The following STAB2 variants were observed in gnomAD, a reference collection of about 807,000 sequenced individuals.
STAB2 encodes stabilin 2.
A neutral mutation model predicts 338.1 loss-of-function variants in STAB2; 288 were observed. The ratio of observed to expected loss-of-function variants is 0.85; its 90% CI spans 0.77 to 0.94. STAB2 has a LOEUF of 0.94. STAB2 is among the 40% of genes least tolerant of loss of function. STAB2 has a pLI of 0.00. For missense variants in STAB2, 3,141 were observed against 3,210.1 expected (o/e 0.98, Z 0.52); for synonymous variants, 1,202 against 1,193.3 (o/e 1.01, Z -0.15).
chr12:103,695,317 A>G (rs960186922), intron 31 of STAB2, among the ~76,000 whole-genome samples: 1 of 152,236 alleles, frequency 6.6e-6, no homozygotes, highest in African/African-American at 2.4e-5. Context: ...TCTCTAATCA[A>G]GGAGGTTTAA....
chr12:103,598,743 T>C (rs1255201693), intron 3 of STAB2, among the ~76,000 whole-genome samples: 14 of 152,202 alleles, frequency 9.2e-5, no homozygotes, highest in African/African-American at 2.4e-5. Context: ...CCCACATTCC[T>C]GCTACCTTTT....
chr12:103,710,372 G>A (rs997056705), intron 39 of STAB2, among the ~76,000 whole-genome samples: 3 of 152,176 alleles, frequency 2.0e-5, no homozygotes, highest in African/African-American at 7.2e-5. Context: ...AGGAAAAATT[G>A]TGGTATGGAG....
Position 103,735,540 on chromosome 12 carries a change from G to A in STAB2, c.5510G>A (p.Gly1837Asp). The stretch of plus-strand genomic sequence containing the variant: ...TCCACTGCCTGGAAGACCCTGCAAG[G>A]TTCAGAGCTGAGTGTGAAATGTGGA... ...PTSTAWKTLQ[G>D]SELSVKCGAG... The change falls in exon 52 of 69, where the codon GGT becomes GAT. Residue 1837 changes from glycine to aspartate, a missense_variant. By Grantham distance (94) the Gly-to-Asp change is moderately conservative. Coordinates refer to ENST00000388887, the MANE Select transcript of STAB2 (RefSeq NM_017564.10). The A allele has an allele frequency of 2.9e-6, 4 of 1,394,860 alleles. No individual in the cohort carries two copies. Among genetic ancestry groups the A allele is most frequent in the African/African-American group, 1.5e-5 (1 of 67,600 alleles). 86.4% of individuals were successfully genotyped at this position (1,394,860 alleles called of 1,614,324 possible).
chr12:103,607,722 T>A (rs1440859568), intron 3 of STAB2, among the ~76,000 whole-genome samples: 3 of 152,218 alleles, frequency 2.0e-5, no homozygotes, highest in Non-Finnish European at 4.4e-5. Flanking sequence ...GAACTCATCC[T>A]TTTTTATCGC....
intron 63 of STAB2, among the ~76,000 whole-genome samples, chr12:103,756,647 C>T (rs1257391219): frequency 1.3e-5 from 2 of 152,144 alleles, no homozygotes; most frequent in Admixed American, 1.3e-4. Context: ...CTCATGCTTT[C>T]GAGTACGGAA....
In STAB2 at chr12:103,737,761, T is replaced by G; in HGVS notation, c.5678T>G (p.Phe1893Cys). 6.2e-7 allele frequency: 1 copy of G among 1,614,040 alleles called. No homozygotes were observed. Among genetic ancestry groups the G allele is most frequent in the Non-Finnish European group, 8.5e-7 (1 of 1,180,000 alleles). ...DPTLGGRCDT[F>C]TTFDASGECG... is the part of the protein sequence containing the mutation. ...ACCCTGGGGGGCCGCTGTGACACCT[T>G]TACTACTTTCGATGCCTCGGTCAGT... The change falls in exon 53 of 69, where the codon TTT becomes TGT. Residue 1893 changes from phenylalanine (F) to cysteine (C), a missense_variant. Transcript: ENST00000388887.
chr12:103,701,946 G>A (rs1294621378), intron 34 of STAB2, among the ~76,000 whole-genome samples: 3 of 150,090 alleles, frequency 2.0e-5, no homozygotes, highest in African/African-American at 7.4e-5. Context: ...ATCCTAACTT[G>A]AGTTTTCCCC....
At chr12:103,622,692 A>G (rs1957321083) in intron 5 of STAB2, among the ~76,000 whole-genome samples, 1 of 152,256 alleles carries the variant, frequency 6.6e-6, no homozygotes, top group African/African-American at 2.4e-5. Flanking sequence ...AAATGCAGTC[A>G]TTGAAAACAG....
Position 103,622,054 on chromosome 12 carries a change from G to C in STAB2, c.430G>C (p.Gly144Arg), listed in dbSNP as rs141175670. ...GGGTGTTTTGCAGGAAGGGTTTGGT[G>C]GAACAGCCTGTGAAACCTGTGCTGA... ...GTCSCQEGFG[G>R]TACETCADDN... Residue 144 changes from glycine (G) to arginine (R), a missense_variant, in exon 5 of 69, where the codon GGA becomes CGA. By Grantham distance (125) the Gly-to-Arg change is moderately radical. Coordinates refer to ENST00000388887, the MANE Select transcript of STAB2 (RefSeq NM_017564.10). 5.6e-6 allele frequency: 9 copies of C among 1,614,072 alleles called. No individual in the cohort carries two copies. In the Admixed American group the frequency reaches 1.3e-4, roughly 24 times the overall value.
At chr12:103,620,618 T>A in intron 4 of STAB2, 65 bp downstream of exon 4, 1 of 1,265,784 alleles carries the variant, frequency 7.9e-7, no homozygotes, top group Non-Finnish European at 1.1e-6. Flanking sequence ...CTGTTGATCC[T>A]CCTTAAACAC....
intron 36 of STAB2, among the ~76,000 whole-genome samples, chr12:103,705,218 T>A (rs1879239718): frequency 6.6e-6 from 1 of 152,362 alleles, no homozygotes; most frequent in South Asian, 2.1e-4. Context: ...AGGTTTAATT[T>A]AATCTTGTAT....
At chr12:103,636,757 G>A (rs1197801899) in intron 6 of STAB2, among the ~76,000 whole-genome samples, 4 of 152,054 alleles carry the variant, frequency 2.6e-5, no homozygotes, top group African/African-American at 7.2e-5. Flanking sequence ...AGCCATCTAC[G>A]TCACACCTAC....
At chr12:103,740,570 G>A (rs1168620009) in intron 54 of STAB2, 60 bp from the exon 55 acceptor site, 45 of 1,573,944 alleles carry the variant, frequency 2.9e-5, no homozygotes, top group Non-Finnish European at 3.9e-5. Flanking sequence ...ACAGACTAGA[G>A]CCCCAGAGCC....
intron 59 of STAB2, among the ~76,000 whole-genome samples, chr12:103,750,305 A>G (rs1388799445): frequency 6.6e-6 from 1 of 152,238 alleles, no homozygotes; most frequent in East Asian, 1.9e-4. Context: ...AATCAGGCCA[A>G]TGTGATAGAA....
chr12:103,762,160 A>G (rs1425539834), intron 66 of STAB2, 114 bp from the exon 67 acceptor site: 1 of 1,423,802 alleles, frequency 7.0e-7, no homozygotes, highest in African/African-American at 1.4e-5. Context: ...ATACATGTTA[A>G]CATGTCAGTA....
intron 29 of STAB2, 151 bp downstream of exon 29, chr12:103,690,133 T>A: frequency 8.4e-7 from 1 of 1,183,950 alleles, no homozygotes; most frequent in Non-Finnish European, 1.2e-6. Context: ...CCCAGGATAG[T>A]AATAGTCAAC....
intron 64 of STAB2, among the ~76,000 whole-genome samples, chr12:103,758,511 T>C (rs898122949): frequency 2.0e-5 from 3 of 152,186 alleles, no homozygotes; most frequent in African/African-American, 7.2e-5. Context: ...TCCATGGAAC[T>C]CTCATCGTCC....
chr12:103,625,212 A>C (rs1047742944), intron 5 of STAB2, among the ~76,000 whole-genome samples: 4 of 152,248 alleles, frequency 2.6e-5, no homozygotes, highest in Admixed American at 6.5e-5. Flanking sequence ...AAGAAGACCC[A>C]TGTTATCTCC....
chr12:103,761,485 A>G (rs1884536261), intron 66 of STAB2, 75 bp downstream of exon 66: 9 of 1,307,266 alleles, frequency 6.9e-6, no homozygotes, highest in Non-Finnish European at 9.9e-6. Flanking sequence ...AACCATTACC[A>G]GAAGCCCTGT....
Sources: allele counts gnomAD v4.1 joint callset (sites outside exome capture counted in the v4.1 genomes callset), GRCh38; gene constraint gnomAD v4.1.1; transcripts MANE v1.5; gene names NCBI Gene and HGNC (gene_info 2026-07-23, HGNC 2026-07-21).